Variants in CHD8 observed in about 807,000 individuals in gnomAD.
CHD8 encodes chromodomain helicase DNA binding protein 8, also known as ATP-dependent chromatin remodeler CHD8.
In CHD8, 31 loss-of-function variants were observed where a neutral mutation model predicts 279.2. That is an observed-to-expected ratio of 0.11 (90% CI 0.08 to 0.15). The LOEUF (loss-of-function observed/expected upper bound fraction) is 0.15. Among genes scored for constraint, CHD8 ranks in the 10% least tolerant of loss-of-function variants. The pLI is 1.00. For missense variants in CHD8, 2,146 were observed against 3,230.5 expected (o/e 0.66, Z 8.14); for synonymous variants, 1,081 against 1,139.6 (o/e 0.95, Z 1.04).
chr14:21,404,702 A>G (rs1249104823), intron 16 of CHD8: 2 of 155,826 alleles, frequency 1.3e-5, no homozygotes, highest in South Asian at 3.9e-4. Context: ...CTACAGGTAC[A>G]TGCCACTGTG....
chr14:21,401,294 A>T (rs923781696), intron 21 of CHD8, 109 bp downstream of exon 21: 2 of 778,600 alleles, frequency 2.6e-6, no homozygotes, highest in African/African-American at 3.5e-5. Flanking sequence ...CTTGTATACA[A>T]TACACCATCA....
At position 21,402,346 on chromosome 14, in the gene CHD8, T is replaced by C. The variant is rs200564383; in HGVS notation, c.3872A>G (p.Asn1291Ser). Residue 1291 changes from asparagine to serine, a missense_variant, in exon 19 of 38, where the codon AAC becomes AGC. By Grantham distance (46) the Asn-to-Ser change is conservative. Around this residue, in one of 26 missense-constraint regions of CHD8, gnomAD observed 35 missense variants for 82.4 expected, o/e 0.42. Coordinates refer to ENST00000646647, the MANE Select transcript of CHD8 (RefSeq NM_001170629.2). The surrounding 1 kb of genome is among the most constrained non-coding windows in gnomAD (Gnocchi z 4.5). ...ACTAAGAGGACTCACTCCAGTAATG[T>C]TGCCATCCCGACCACTCATGGATTG... ...VLQSMSGRDG[N>S]ITGIQQFSKK... 53 of 1,614,020 alleles carry C rather than the reference T, an allele frequency of 3.3e-5. No homozygotes were observed. Among genetic ancestry groups the C allele is most frequent in the Non-Finnish European group, 4.3e-5 (51 of 1,179,896 alleles).
rs1177313284 is a variant in CHD8 at position 21,456,085 on chromosome 14, G to A, written c.-269C>T. ...GGCAGCGTTTCAACTCACCCTCTCC[G>A]AGAACAAGGCGCCTTCCGGCGGAGC... is the stretch of plus-strand genomic sequence containing the variant. On this transcript the variant is annotated 5_prime_UTR_variant, in exon 1 of 38. Coordinates refer to ENST00000646647, the MANE Select transcript of CHD8 (RefSeq NM_001170629.2). The A allele has an allele frequency of 1.3e-5, 2 of 152,290 alleles. No homozygotes were observed. Among genetic ancestry groups the A allele is most frequent in the African/African-American group, 4.8e-5 (2 of 41,424 alleles). 9.4% of individuals were successfully genotyped at this position (152,290 alleles called of 1,614,324 possible). A position where few individuals can be genotyped will look rare whatever the true frequency, so the allele number is the denominator to read the frequency against.
chr14:21,445,688 CAAAA>C (rs747923350), intron 1 of CHD8, among the ~76,000 whole-genome samples: 10 of 17,260 alleles, frequency 5.8e-4, no homozygotes, highest in African/African-American at 1.7e-3. Context: ...GATTCGGTCT[CAAAA>C]AAAAAAAAAA....
Position 21,385,576 on chromosome 14 carries a change from C to T in CHD8, c.*37G>A, listed in dbSNP as rs776047392. 46 of 1,526,400 alleles carry T rather than the reference C, an allele frequency of 3.0e-5. No individual in the cohort carries two copies. Among genetic ancestry groups the T allele is most frequent in the Non-Finnish European group, 3.9e-5 (44 of 1,134,876 alleles). The allele number at this position is 1,526,400 out of a possible 1,614,324, so 94.6% of individuals were successfully genotyped here. A position where few individuals can be genotyped will look rare whatever the true frequency, so the allele number is the denominator to read the frequency against. ...CCAAGGGCCAGAGTAAATGAAAATA[C>T]AGCAGCCGCCCAAGCAATGGGGCCC... On this transcript the variant is annotated 3_prime_UTR_variant, in exon 38 of 38. Transcript: ENST00000646647.
At chr14:21,429,755 G>A (rs770702803) in intron 2 of CHD8, 3 of 293,238 alleles carry the variant, frequency 1.0e-5, no homozygotes, top group African/African-American at 2.2e-5. Context: ...TGATCCTCCC[G>A]CTTCAGCCTC....
intron 11 of CHD8, among the ~76,000 whole-genome samples, 170 bp downstream of exon 11, chr14:21,409,681 A>G (rs1032026283): frequency 1.3e-5 from 2 of 152,186 alleles, no homozygotes; most frequent in African/African-American, 4.8e-5. Context: ...ACAAGACTGG[A>G]TATGTACTGA....
rs577646557 is a variant in CHD8, at chr14:21,443,228, A to G, written c.-215-11370T>C. Among the ~76,000 whole-genome samples the G allele has an allele frequency of 3.9e-4, 59 of 151,750 alleles. 1 individual carries two copies. The highest frequency in any genetic ancestry group is 2.6e-3 in the Admixed American group (40 of 15,266). On this transcript the variant is annotated intron_variant, in intron 1 of 37. Transcript: ENST00000646647. ...AACACGGTGAAACTCCGTCTCTACT[A>G]AAAATACAAAAAATTAGCCGGGTGT... is the stretch of plus-strand genomic sequence containing the variant.
At position 21,393,679 on chromosome 14, in the gene CHD8, T is replaced by A. The variant is rs764572530; in HGVS notation, c.6116A>T (p.Gln2039Leu). 1.9e-6 allele frequency: 3 copies of A among 1,613,866 alleles called. No individual in the cohort carries two copies. The highest frequency in any genetic ancestry group is 2.5e-6 in the Non-Finnish European group (3 of 1,179,854). ...GGGGGATACTCGCATCTCATAGTCT[T>A]GTGGGGTTGGTCGGCTCCTGGCCAC... The part of the protein sequence containing the change: ...EVVARSRPTP[Q>L]DYEMRVSPSD... Residue 2039 changes from glutamine to leucine, a missense_variant, in exon 32 of 38, where the codon CAA becomes CTA. By Grantham distance (113) the Gln-to-Leu change is moderately radical. Coordinates refer to ENST00000646647, the MANE Select transcript of CHD8 (RefSeq NM_001170629.2).
At chr14:21,433,012 C>A (rs1422206384) in intron 1 of CHD8, among the ~76,000 whole-genome samples, 1 of 152,162 alleles carries the variant, frequency 6.6e-6, no homozygotes, top group East Asian at 1.9e-4. Context: ...ACACCCTCCA[C>A]AACTCTGTAC....
In CHD8 at chr14:21,394,351, C is replaced by A. The variant is rs1242777614; in HGVS notation, c.5525G>T (p.Ser1842Ile). The stretch of plus-strand genomic sequence containing the variant: ...AAAGCCATGGAAGTACTTGGTAAGG[C>A]TTTCATCTGTCTTTTTGTCTAGTCG... ...FARLDKKTDE[S>I]LTKYFHGFVA... The change falls in exon 31 of 38, where the codon AGC (serine) becomes ATC (isoleucine). Residue 1842 changes from serine to isoleucine, a missense_variant. By Grantham distance (142) the Ser-to-Ile change is moderately radical. This residue lies in a region of CHD8 where 513 missense variants were observed against 637.6 expected (regional missense o/e 0.80). Transcript: ENST00000646647. The A allele has an allele frequency of 6.2e-7, 1 of 1,613,976 alleles. No individual in the cohort carries two copies. Among genetic ancestry groups the A allele is most frequent in the Admixed American group, 1.7e-5 (1 of 60,020 alleles).
intron 1 of CHD8, among the ~76,000 whole-genome samples, chr14:21,437,760 CTT>C (rs1314595985): frequency 6.6e-6 from 1 of 152,190 alleles, no homozygotes; most frequent in African/African-American, 2.4e-5. Flanking sequence ...TTAAAGCACT[CTT>C]TCTGCCACAA....
chr14:21,455,644 A>G (rs1890369835), intron 1 of CHD8, among the ~76,000 whole-genome samples: 1 of 152,188 alleles, frequency 6.6e-6, no homozygotes, highest in South Asian at 2.1e-4. Context: ...CTAACCACCT[A>G]TTTCTGAATC....
Position 21,401,435 on chromosome 14 carries a change from C to T in CHD8, c.4141G>A (p.Ala1381Thr). 1 of 1,600,930 alleles carries T rather than the reference C, an allele frequency of 6.2e-7. No homozygotes were observed. The highest frequency in any genetic ancestry group is 8.5e-7 in the Non-Finnish European group (1 of 1,173,422). Reference sequence around the variant, plus strand: ...TTGAGCAGATCCATGTCTAGGTCAGCCTTTTTGGCCCACTTTTGCCAAAAG... The same window carrying T: ...TTGAGCAGATCCATGTCTAGGTCAGTCTTTTTGGCCCACTTTTGCCAAAAG... ...PNFWQKWAKK[A>T]DLDMDLLNSK... The change falls in exon 21 of 38, where the codon GCT becomes ACT. Residue 1381 changes from alanine to threonine, a missense_variant. Coordinates refer to ENST00000646647, the MANE Select transcript of CHD8 (RefSeq NM_001170629.2).
chr14:21,393,431 G>C, intron 32 of CHD8, 45 bp downstream of exon 32: 2 of 1,510,998 alleles, frequency 1.3e-6, no homozygotes, highest in Non-Finnish European at 1.8e-6. Context: ...AGAGAAGAGA[G>C]GGGGAAATAG....
At position 21,431,658 on chromosome 14, in the gene CHD8, G is replaced by A. The variant is rs771969226; in HGVS notation, c.-15C>T. 1.2e-5 allele frequency: 19 copies of A among 1,556,028 alleles called. No homozygotes were observed. The African/African-American group carries it at 2.3e-4, about 19-fold the overall frequency. On this transcript the variant is annotated 5_prime_UTR_variant, in exon 2 of 38. Coordinates refer to ENST00000646647, the MANE Select transcript of CHD8 (RefSeq NM_001170629.2). Reference sequence around the variant, plus strand: ...GGGTCTGCCATCTTGGGAAAGTAATGGAGGGTACTTCTCCAAGGTCTAGGG... The same window carrying A: ...GGGTCTGCCATCTTGGGAAAGTAATAGAGGGTACTTCTCCAAGGTCTAGGG...
Position 21,431,703 on chromosome 14 carries a change from A to G in CHD8, c.-60T>C. On this transcript the variant is annotated 5_prime_UTR_variant, in exon 2 of 38. Coordinates refer to ENST00000646647, the MANE Select transcript of CHD8 (RefSeq NM_001170629.2). The stretch of plus-strand genomic sequence containing the variant: ...CTAGGGAGGGAAGGGGAGGGGGGGT[A>G]CTGGCTCTCCCCTCCCCTCCCCTAT... 6.3e-7 allele frequency: 1 copy of G among 1,598,868 alleles called. No homozygotes were observed. Among genetic ancestry groups the G allele is most frequent in the Non-Finnish European group, 8.5e-7 (1 of 1,172,358 alleles).
chr14:21,442,615 T>G (rs1890003496), intron 1 of CHD8, among the ~76,000 whole-genome samples: 1 of 133,222 alleles, frequency 7.5e-6, no homozygotes, highest in Non-Finnish European at 1.6e-5. Context: ...ACAGAGACCC[T>G]ATCAGAAAGG....
At chr14:21,399,178 T>G (rs1887925109) in intron 26 of CHD8, 1 of 287,076 alleles carries the variant, frequency 3.5e-6, no homozygotes, top group African/African-American at 2.2e-5. Context: ...CTCTGCCTAC[T>G]CACCCAGAAA....
Sources: gnomAD v4.1 joint callset for allele counts (sites outside exome capture counted in the v4.1 genomes callset) on GRCh38, gnomAD v4.1.1 for gene constraint, gnomAD v4.1.1 regional missense constraint, Gnocchi (gnomAD v3.1) non-coding constraint, MANE v1.5 for transcripts, NCBI Gene and HGNC (gene_info 2026-07-23, HGNC 2026-07-21) for gene names.